Variants in TLL1 observed in about 807,000 individuals in gnomAD.
The protein encoded by TLL1 is tolloid-like protein 1.
In TLL1, 49 loss-of-function variants were observed where a neutral mutation model predicts 128.2. The observed-to-expected ratio is 0.38, with a 90% confidence interval of 0.30 to 0.48. The LOEUF (loss-of-function observed/expected upper bound fraction) is 0.48, where lower values mean the gene tolerates loss of function less well. Ranked by LOEUF, TLL1 falls within the 20% of genes least tolerant of loss-of-function variation. TLL1 has a pLI of 0.96. For missense variants in TLL1, 1,123 were observed against 1,242.0 expected (o/e 0.90, Z 1.44); for synonymous variants, 454 against 418.8 (o/e 1.08, Z -1.03).
At chr4:166,057,147 A>T (rs765266995) in intron 13 of TLL1, 37 bp from the exon 14 acceptor site, 2 of 1,611,832 alleles carry the variant, frequency 1.2e-6, no homozygotes, top group African/African-American at 1.3e-5. Flanking sequence ...ACACATATAT[A>T]TGTATAGTTG....
At position 165,953,309 on chromosome 4, in the gene TLL1, G is replaced by A. The variant is rs193207175; in HGVS notation, c.170-36072G>A. 1.7e-3 allele frequency among the ~76,000 whole-genome samples: 257 copies of A among 152,042 alleles called. 1 individual carries two copies. The highest frequency in any genetic ancestry group is 5.8e-3 in the African/African-American group (239 of 41,480). ...GCCCAACCTGCAGTTTTCAGGAACC[G>A]TGAGGTACAGCCAGATGGACAGCCT... On this transcript the variant is annotated intron_variant, in intron 1 of 20. Coordinates refer to ENST00000061240, the MANE Select transcript of TLL1 (RefSeq NM_012464.5).
In TLL1 at chr4:166,033,424, A is replaced by T. The variant is rs562072058; in HGVS notation, c.1159-5915A>T. The stretch of plus-strand genomic sequence containing the variant: ...TAGAGACAAATTTATGGAAGAATAT[A>T]TAAGAAAATGATGCTTATTTCTACC... On this transcript the variant is annotated intron_variant, in intron 9 of 20. Transcript: ENST00000061240. 2.0e-5 allele frequency among the ~76,000 whole-genome samples: 3 copies of T among 152,334 alleles called. No individual in the cohort carries two copies. In the South Asian group the frequency reaches 6.2e-4, roughly 32 times the overall value.
rs746802589 is a variant in TLL1 at position 165,995,112 on chromosome 4, CAT to C, written c.567_568del (p.Val191AspfsTer7). 6.2e-7 allele frequency: 1 copy of C among 1,613,914 alleles called. No homozygotes were observed. Among genetic ancestry groups the C allele is most frequent in the Non-Finnish European group, 8.5e-7 (1 of 1,179,926 alleles). On this transcript the variant is annotated frameshift_variant, in exon 5 of 21. Transcript: ENST00000061240. LOFTEE classifies it high-confidence loss of function. The stretch of plus-strand genomic sequence containing the variant: ...GCCATGAGGCACTGGGAAAAGCACA[CAT>C]GTGTGACTTTCATAGAAAGAAGTGA...
chr4:165,904,211 A>G (rs941302556), intron 1 of TLL1, among the ~76,000 whole-genome samples: 1 of 152,196 alleles, frequency 6.6e-6, no homozygotes, highest in Non-Finnish European at 1.5e-5. Flanking sequence ...TATGAATACA[A>G]TCTTATATTG....
rs537633377 is a variant in TLL1, at chr4:165,931,674, G to A, written c.169+57601G>A. ...GTGGAGCTTGCAGTGAGCTGAGATT[G>A]CACCACTGCACTCCAGCCTGGGCGA... On this transcript the variant is annotated intron_variant, in intron 1 of 20. Coordinates refer to ENST00000061240, the MANE Select transcript of TLL1 (RefSeq NM_012464.5). Among the ~76,000 whole-genome samples the A allele has an allele frequency of 4.7e-5, 7 of 149,536 alleles. No individual in the cohort carries two copies. In the Admixed American group the frequency reaches 4.8e-4, roughly 10 times the overall value.
intron 1 of TLL1, among the ~76,000 whole-genome samples, chr4:165,903,830 T>C (rs1732124263): frequency 6.6e-6 from 1 of 151,900 alleles, no homozygotes; most frequent in South Asian, 2.1e-4. Context: ...ATGGCACATA[T>C]TGTGGTATAA....
chr4:165,959,124 A>G (rs1481724052), intron 1 of TLL1, among the ~76,000 whole-genome samples: 1 of 151,626 alleles, frequency 6.6e-6, no homozygotes, highest in African/African-American at 2.4e-5. Context: ...GCCTTGTAGT[A>G]TAGTTTGAAG....
At chr4:165,994,604 T>A (rs902413309) in intron 4 of TLL1, 71 bp downstream of exon 4, 1 of 1,547,396 alleles carries the variant, frequency 6.5e-7, no homozygotes, top group Non-Finnish European at 8.9e-7. Context: ...TGTCTATTTT[T>A]ATAGAATATT....
intron 4 of TLL1, 57 bp downstream of exon 4, chr4:165,994,590 TA>T (rs1475371393): frequency 6.3e-7 from 1 of 1,586,678 alleles, no homozygotes. Context: ...TCATACAGAT[TA>T]AGTGTCTATT....
chr4:166,042,513 A>G (rs1204026689), intron 11 of TLL1, among the ~76,000 whole-genome samples: 3 of 152,214 alleles, frequency 2.0e-5, no homozygotes, highest in African/African-American at 7.2e-5. Flanking sequence ...ACTTTTTATT[A>G]GAGGAAATTG....
chr4:166,008,085 C>A, intron 7 of TLL1, 37 bp downstream of exon 7: 1 of 1,485,098 alleles, frequency 6.7e-7, no homozygotes, highest in South Asian at 1.1e-5. Context: ...ACTTTTAATT[C>A]CTTTCCTCCA....
chr4:165,955,417 A>G (rs1484511158), intron 1 of TLL1, among the ~76,000 whole-genome samples: 1 of 152,054 alleles, frequency 6.6e-6, no homozygotes, highest in Non-Finnish European at 1.5e-5. Flanking sequence ...AGAGGGCAAC[A>G]TGAAAATTCA....
At chr4:165,938,973 G>A (rs990074520) in intron 1 of TLL1, among the ~76,000 whole-genome samples, 4 of 150,952 alleles carry the variant, frequency 2.6e-5, no homozygotes, top group East Asian at 3.9e-4. Flanking sequence ...GATTGTTTTC[G>A]TGTTTCCTCA....
intron 1 of TLL1, among the ~76,000 whole-genome samples, chr4:165,984,926 A>T (rs1736332787): frequency 6.6e-6 from 1 of 152,018 alleles, no homozygotes; most frequent in Non-Finnish European, 1.5e-5. Context: ...TTTGGTTCTT[A>T]AAGCAAATTT....
At chr4:165,985,183 G>C (rs1299714927) in intron 1 of TLL1, among the ~76,000 whole-genome samples, 3 of 151,976 alleles carry the variant, frequency 2.0e-5, no homozygotes, top group Admixed American at 2.0e-4. Flanking sequence ...GAAATCTTGT[G>C]TGTTGCCTTA....
chr4:166,044,270 A>C (rs1045053739), intron 12 of TLL1: 47 of 959,186 alleles, frequency 4.9e-5, no homozygotes, highest in Non-Finnish European at 1.4e-5. Flanking sequence ...GAAGGTAGTC[A>C]TGAGCCCTAC....
Position 165,873,676 on chromosome 4 carries a change from G to T in TLL1, c.-229G>T. 2 of 512,558 alleles carry T rather than the reference G, an allele frequency of 3.9e-6. No individual in the cohort carries two copies. The allele number at this position is 512,558 out of a possible 1,614,324, so 31.8% of individuals were successfully genotyped here. On this transcript the variant is annotated 5_prime_UTR_variant, in exon 1 of 21. Transcript: ENST00000061240. ...TTCCTTACCTGCCCTCCGCCCACCC[G>T]TGGGCCCCTAGCCAACTTCTCCCTG... is the stretch of plus-strand genomic sequence containing the variant.
At chr4:165,968,383 T>C (rs987920765) in intron 1 of TLL1, among the ~76,000 whole-genome samples, 4 of 152,194 alleles carry the variant, frequency 2.6e-5, no homozygotes, top group African/African-American at 9.7e-5. Context: ...CAGAATACAC[T>C]TTTTCTATTC....
At position 165,942,628 on chromosome 4, in the gene TLL1, C is replaced by T. The variant is rs371885113; in HGVS notation, c.170-46753C>T. ...TATATTTTACATAATTATATATATA[C>T]TATATATATTAATTATAAGCTGTGG... On this transcript the variant is annotated intron_variant, in intron 1 of 20. Transcript: ENST00000061240. 8.9e-3 allele frequency among the ~76,000 whole-genome samples: 1,332 copies of T among 148,850 alleles called. 19 individuals carry two copies. The highest frequency in any genetic ancestry group is 0.039 in the Middle Eastern group (11 of 282).
Sources: gnomAD v4.1 joint callset for allele counts (sites outside exome capture counted in the v4.1 genomes callset) on GRCh38, gnomAD v4.1.1 for gene constraint, MANE v1.5 for transcripts, NCBI Gene and HGNC (gene_info 2026-07-23, HGNC 2026-07-21) for gene names.